The following GRIK4 variants were observed in gnomAD, a reference collection of about 807,000 sequenced individuals.
The protein encoded by GRIK4 is glutamate ionotropic receptor kainate type subunit 4.
In GRIK4, 40 loss-of-function variants were observed where a neutral mutation model predicts 104.9. The ratio of observed to expected loss-of-function variants is 0.38; its 90% CI spans 0.30 to 0.50. The LOEUF (loss-of-function observed/expected upper bound fraction) is 0.50. Among genes scored for constraint, GRIK4 ranks in the 20% least tolerant of loss-of-function variants. The pLI is 0.93. For synonymous variants in GRIK4, 485 were observed against 524.9 expected (o/e 0.92, Z 1.04); for missense variants, 1,047 against 1,308.1 (o/e 0.80, Z 3.08).
At chr11:120,702,243 T>C (rs61901374) in intron 3 of GRIK4, among the ~76,000 whole-genome samples, 20,132 of 152,146 alleles carry the variant, frequency 0.13, 1,501 homozygotes, top group South Asian at 0.19. Context: ...CGTGAGCCAC[T>C]GCGCCTGGCG....
chr11:120,892,493 G>A (rs1955333334), intron 11 of GRIK4, among the ~76,000 whole-genome samples: 3 of 152,278 alleles, frequency 2.0e-5, no homozygotes, highest in Admixed American at 2.0e-4. Context: ...CTGGGGAGGG[G>A]TGAGGCTCGA....
chr11:120,906,776 G>A (rs751281886), intron 13 of GRIK4, among the ~76,000 whole-genome samples: 2 of 152,228 alleles, frequency 1.3e-5, no homozygotes, highest in African/African-American at 4.8e-5. Context: ...GAGTTTGCCT[G>A]ACGGAACATG....
intron 3 of GRIK4, among the ~76,000 whole-genome samples, chr11:120,708,649 G>A (rs546899203): frequency 6.6e-6 from 1 of 152,226 alleles, no homozygotes; most frequent in Non-Finnish European, 1.5e-5. Flanking sequence ...AGAGGCAGCT[G>A]CTGGTTCCAG....
intron 1 of GRIK4, among the ~76,000 whole-genome samples, chr11:120,603,125 G>A (rs1210651368): frequency 1.3e-5 from 2 of 152,218 alleles, no homozygotes; most frequent in Non-Finnish European, 2.9e-5. Context: ...GTCACAAATG[G>A]GGAGACTGAG....
Position 120,800,331 on chromosome 11 carries a change from T to C in GRIK4, c.83-2362T>C, listed in dbSNP as rs375374834. On this transcript the variant is annotated intron_variant, in intron 3 of 20. Transcript: ENST00000527524. ...CCCAGGGGCCTGCCAGGGAGGACCA[T>C]TTGAGAAGCATTCCTCTAGGCTGCC... Among the ~76,000 whole-genome samples the C allele has an allele frequency of 8.5e-5, 13 of 152,292 alleles. No homozygotes were observed. The East Asian group carries it at 2.5e-3, about 29-fold the overall frequency.
chr11:120,890,664 A>G (rs1368297468), intron 11 of GRIK4, among the ~76,000 whole-genome samples: 1 of 152,248 alleles, frequency 6.6e-6, no homozygotes, highest in Non-Finnish European at 1.5e-5. Context: ...TTCAACAGAA[A>G]GGTGTATGAA....
chr11:120,564,923 C>T (rs1241754539), intron 1 of GRIK4, among the ~76,000 whole-genome samples: 1 of 150,356 alleles, frequency 6.7e-6, no homozygotes, highest in East Asian at 2.1e-4. Context: ...CCCAGCTCCC[C>T]GCTTTCCTTT....
At chr11:120,616,148 G>A (rs1854892207) in intron 1 of GRIK4, among the ~76,000 whole-genome samples, 1 of 152,240 alleles carries the variant, frequency 6.6e-6, no homozygotes, top group African/African-American at 2.4e-5. Context: ...GTTGGGGTGG[G>A]GATGGGGCAG....
chr11:120,697,041 C>T (rs1209572788), intron 3 of GRIK4, among the ~76,000 whole-genome samples: 1 of 152,222 alleles, frequency 6.6e-6, no homozygotes, highest in Non-Finnish European at 1.5e-5. Flanking sequence ...ATGGATCTGC[C>T]TCTGCCTCCT....
At chr11:120,816,711 G>A (rs910128580) in intron 5 of GRIK4, among the ~76,000 whole-genome samples, 1 of 152,098 alleles carries the variant, frequency 6.6e-6, no homozygotes, top group Non-Finnish European at 1.5e-5. Context: ...TTATCTTCCC[G>A]ATTTTAGGAG....
rs545125972 is a variant in GRIK4 at position 120,787,083 on chromosome 11, C to T, written c.83-15610C>T. 1.5e-4 allele frequency among the ~76,000 whole-genome samples: 23 copies of T among 152,084 alleles called. No homozygotes were observed. In the South Asian group the frequency reaches 2.5e-3, roughly 16 times the overall value. On this transcript the variant is annotated intron_variant, in intron 3 of 20. Transcript: ENST00000527524. ...CTGTCATCCCAGCACTTTGGGAGGCCGAGGCGGGAGGATTGCTTGAGGCCA... is the reference window on the plus strand; with the variant it reads ...CTGTCATCCCAGCACTTTGGGAGGCTGAGGCGGGAGGATTGCTTGAGGCCA...
At chr11:120,603,661 C>A (rs7131215) in intron 1 of GRIK4, among the ~76,000 whole-genome samples, 2 of 152,012 alleles carry the variant, frequency 1.3e-5, no homozygotes, top group Non-Finnish European at 2.9e-5. Context: ...GGCATAGGGC[C>A]CAGGGCTTGG....
chr11:120,804,634 C>T (rs1296762375), intron 4 of GRIK4, among the ~76,000 whole-genome samples: 1 of 152,204 alleles, frequency 6.6e-6, no homozygotes. Context: ...AGGCATAATT[C>T]AGGATATCGG....
At chr11:120,786,964 C>T (rs912175516) in intron 3 of GRIK4, among the ~76,000 whole-genome samples, 1 of 152,158 alleles carries the variant, frequency 6.6e-6, no homozygotes, top group Admixed American at 6.5e-5. Flanking sequence ...TTTTGAAGTT[C>T]TGGTATGAAA....
chr11:120,919,273 A>G (rs756791374), intron 13 of GRIK4, among the ~76,000 whole-genome samples: 13 of 152,124 alleles, frequency 8.5e-5, no homozygotes, highest in Non-Finnish European at 4.4e-5. Flanking sequence ...TCAGCAGCTT[A>G]AGGTGATGCT....
chr11:120,520,684 C>T (rs1160172128), intron 1 of GRIK4, among the ~76,000 whole-genome samples: 1 of 152,308 alleles, frequency 6.6e-6, no homozygotes, highest in African/African-American at 2.4e-5. Flanking sequence ...GCCTGGCTGC[C>T]CCAGGTTAAT....
intron 1 of GRIK4, among the ~76,000 whole-genome samples, chr11:120,647,088 C>T (rs1426549709): frequency 2.6e-5 from 4 of 152,212 alleles, no homozygotes; most frequent in Non-Finnish European, 5.9e-5. Context: ...TGGGGATGAG[C>T]GGATCCAGAC....
At chr11:120,736,786 T>C (rs2077623) in intron 3 of GRIK4, among the ~76,000 whole-genome samples, 111,899 of 150,730 alleles carry the variant, frequency 0.74, 41,806 homozygotes, top group Middle Eastern at 0.84. Flanking sequence ...CTCTCTCCCC[T>C]CACCCTGCCC....
chr11:120,877,397 C>T (rs1344686778), intron 11 of GRIK4, among the ~76,000 whole-genome samples: 1 of 152,136 alleles, frequency 6.6e-6, no homozygotes, highest in African/African-American at 2.4e-5. Flanking sequence ...ACATAGAAAA[C>T]CGTAAGTGCA....
Sources: gnomAD v4.1 joint callset for allele counts (sites outside exome capture counted in the v4.1 genomes callset) on GRCh38, gnomAD v4.1.1 for gene constraint, MANE v1.5 for transcripts, NCBI Gene and HGNC (gene_info 2026-07-23, HGNC 2026-07-21) for gene names.